Variants in HOXA10 observed in about 807,000 individuals in gnomAD.
HOXA10 encodes the protein homeobox A10.
A neutral mutation model predicts 29.7 loss-of-function variants in HOXA10; 12 were observed. The observed-to-expected ratio is 0.40, with a 90% confidence interval of 0.26 to 0.65. HOXA10 has a LOEUF of 0.65. Among genes scored for constraint, HOXA10 ranks in the 30% least tolerant of loss-of-function variants. HOXA10 has a pLI of 0.37. For missense variants in HOXA10, 656 were observed against 585.9 expected (o/e 1.12, Z -1.24); for synonymous variants, 327 against 280.7 (o/e 1.16, Z -1.65).
In HOXA10 at chr7:27,172,007, G is replaced by A; in HGVS notation, c.1125C>T (p.Leu375=). The A allele has an allele frequency of 3.1e-6, 5 of 1,614,094 alleles. No individual in the cohort carries two copies. The highest frequency in any genetic ancestry group is 4.2e-6 in the Non-Finnish European group (5 of 1,179,966). ...ACCAGATTTTCACTTGTCTGTCCGT[G>A]AGGTGGACGCTGCGGCTAATCTCTA... The part of the protein sequence containing the change: ...RRLEISRSVH[L]TDRQVKIWFQ... Residue 375 remains leucine, a synonymous_variant, in exon 2 of 2, where the codon CTC becomes CTT. Coordinates refer to ENST00000283921, the MANE Select transcript of HOXA10 (RefSeq NM_018951.4).
At chr7:27,179,693 C>A (rs532228035) in exon 1 of HOXA10, 2 of 775,928 alleles carry the variant, frequency 2.6e-6, no homozygotes, top group South Asian at 2.7e-5. Context: ...GGCTTCTCCG[C>A]GCGGCGACGC....
chr7:27,172,536 C>T (rs926984714), intron 1 of HOXA10: 2 of 325,980 alleles, frequency 6.1e-6, no homozygotes, highest in Admixed American at 4.8e-5. Flanking sequence ...TTCCTGTAGC[C>T]CCCAGGCTAG....
In HOXA10 at chr7:27,173,942, G is replaced by T; in HGVS notation, c.365C>A (p.Pro122His). Residue 122 changes from proline (P) to histidine (H), a missense_variant, in exon 1 of 2, where the codon CCC (proline) becomes CAC (histidine). Around this residue, in one of 2 missense-constraint regions of HOXA10, gnomAD observed 594 missense variants for 491.9 expected, o/e 1.21. Transcript: ENST00000283921. ...PSPIDLWLDA[P>H]RSCRMEPPDG... ...AGGCGGCTCCATCCGGCAAGACCGG[G>T]GCGCGTCTAGCCACAGGTCTATGGG... 3 of 1,525,178 alleles carry T rather than the reference G, an allele frequency of 2.0e-6. No homozygotes were observed. The highest frequency in any genetic ancestry group is 2.6e-6 in the Non-Finnish European group (3 of 1,138,858). The allele number at this position is 1,525,178 out of a possible 1,614,324, so 94.5% of individuals were successfully genotyped here.
At chr7:27,174,966 C>G (rs1467176992), upstream of HOXA10, 2 of 152,830 alleles carry the variant, frequency 1.3e-5, no homozygotes, top group African/African-American at 4.8e-5. Context: ...TGTTCCCTAG[C>G]CCCTAACCCC....
In HOXA10 at chr7:27,172,176, G is replaced by A. The variant is rs199970920; in HGVS notation, c.959-3C>T. 28 of 1,613,576 alleles carry A rather than the reference G, an allele frequency of 1.7e-5. No homozygotes were observed. The highest frequency in any genetic ancestry group is 3.3e-5 in the South Asian group (3 of 91,060). On this transcript the variant is annotated splice_region_variant and splice_polypyrimidine_tract_variant and intron_variant, in intron 1 of 1. Coordinates refer to ENST00000283921, the MANE Select transcript of HOXA10 (RefSeq NM_018951.4). ...TGCGTTTTCACCTTTGGAATTGCCTGGCATGTAAGAGAATAAAGAGGGGAT... is the reference window on the plus strand; with the variant it reads ...TGCGTTTTCACCTTTGGAATTGCCTAGCATGTAAGAGAATAAAGAGGGGAT...
chr7:27,174,003 C>T lies in HOXA10; in HGVS notation c.304G>A (p.Gly102Ser), dbSNP rs746323844. Residue 102 changes from glycine to serine, a missense_variant, in exon 1 of 2, where the codon GGT becomes AGT. Transcript: ENST00000283921. ...ASPGSGGGGGGLGPGAHGYGP... is the reference protein window; with the variant it reads ...ASPGSGGGGGSLGPGAHGYGP... ...TAGCCGTGCGCCCCGGGACCTAGAC[C>T]CCCGCCACCGCCACCGCTGCCCGGC... The T allele has an allele frequency of 3.9e-6, 6 of 1,528,712 alleles. No individual in the cohort carries two copies. The South Asian group carries it at 6.0e-5, about 15-fold the overall frequency. 94.7% of individuals were successfully genotyped at this position (1,528,712 alleles called of 1,614,324 possible).
Position 27,174,013 on chromosome 7 carries a change from G to T in HOXA10, c.294C>A (p.Gly98=), listed in dbSNP as rs1053845544. Residue 98 remains glycine, a synonymous_variant, in exon 1 of 2, where the codon GGC becomes GGA. Coordinates refer to ENST00000283921, the MANE Select transcript of HOXA10 (RefSeq NM_018951.4). ...RNEAASPGSG[G]GGGGLGPGAH... ...CCCCGGGACCTAGACCCCCGCCACC[G>T]CCACCGCTGCCCGGCGACGCTGCCT... is the stretch of plus-strand genomic sequence containing the variant. The T allele has an allele frequency of 6.5e-7, 1 of 1,528,192 alleles. No homozygotes were observed. 94.7% of individuals were successfully genotyped at this position (1,528,192 alleles called of 1,614,324 possible). A position where few individuals can be genotyped will look rare whatever the true frequency, so the allele number is the denominator to read the frequency against.
chr7:27,175,105 A>G (rs1783630157), upstream of HOXA10: 1 of 152,154 alleles, frequency 6.6e-6, no homozygotes. Flanking sequence ...GGGGGTGGGA[A>G]GCGGCTGCCA....
chr7:27,173,510 T>C lies in HOXA10; in HGVS notation c.797A>G (p.Lys266Arg). 4 of 1,480,236 alleles carry C rather than the reference T, an allele frequency of 2.7e-6. No individual in the cohort carries two copies. Among genetic ancestry groups the C allele is most frequent in the Non-Finnish European group, 3.6e-6 (4 of 1,123,914 alleles). The allele number at this position is 1,480,236 out of a possible 1,614,324, so 91.7% of individuals were successfully genotyped here. A position where few individuals can be genotyped will look rare whatever the true frequency, so the allele number is the denominator to read the frequency against. Residue 266 changes from lysine (K) to arginine (R), a missense_variant, in exon 1 of 2, where the codon AAG becomes AGG. By Grantham distance (26) the Lys-to-Arg change is conservative. Around this residue, in one of 2 missense-constraint regions of HOXA10, gnomAD observed 594 missense variants for 491.9 expected, o/e 1.21. Transcript: ENST00000283921. ...LASGSADAAR[K>R]ERALDSPPPP... is the part of the protein sequence containing the mutation. ...CGGCGGCGAATCGAGGGCTCGCTCC[T>C]TCCGGGCCGCATCGGCCGAGCCGGA...
At chr7:27,178,111 T>C (rs1055881620), upstream of HOXA10, among the ~76,000 whole-genome samples, 1 of 152,214 alleles carries the variant, frequency 6.6e-6, no homozygotes, top group Non-Finnish European at 1.5e-5. Flanking sequence ...AGATCGAAAC[T>C]GCTAGTAAAC....
chr7:27,179,837 G>A (rs1378017327), exon 1 of HOXA10: 1 of 696,808 alleles, frequency 1.4e-6, no homozygotes, highest in South Asian at 1.5e-5. Flanking sequence ...AGTATCAGAA[G>A]CGAACAAAGG....
Position 27,174,104 on chromosome 7 carries a change from G to A in HOXA10, c.203C>T (p.Ala68Val). Residue 68 changes from alanine to valine, a missense_variant, in exon 1 of 2, where the codon GCC (alanine) becomes GTC (valine). By Grantham distance (64) the Ala-to-Val change is moderately conservative (BLOSUM62 0). Coordinates refer to ENST00000283921, the MANE Select transcript of HOXA10 (RefSeq NM_018951.4). ...YAHGGVYLPP[A>V]ADLPYGLQSC... ...CTGCAGCCCGTAGGGCAGGTCGGCG[G>A]CGGGCGGCAGGTAGACCCCGCCGTG... 1 of 1,573,120 alleles carries A rather than the reference G, an allele frequency of 6.4e-7. No homozygotes were observed. The highest frequency in any genetic ancestry group is 8.6e-7 in the Non-Finnish European group (1 of 1,166,978).
chr7:27,171,719 A>G lies in HOXA10; in HGVS notation c.*180T>C, dbSNP rs764182627. The G allele has an allele frequency of 1.3e-5, 10 of 759,774 alleles. No individual in the cohort carries two copies. The highest frequency in any genetic ancestry group is 2.1e-5 in the Non-Finnish European group (9 of 418,920). 47.1% of individuals were successfully genotyped at this position (759,774 alleles called of 1,614,324 possible). On this transcript the variant is annotated 3_prime_UTR_variant, in exon 2 of 2. Coordinates refer to ENST00000283921, the MANE Select transcript of HOXA10 (RefSeq NM_018951.4). Reference sequence around the variant, plus strand: ...ACAAATAAACCAGCACCAAGCAAACACAAAGAAACAAAAAGTCAGAACAAA... The same window carrying G: ...ACAAATAAACCAGCACCAAGCAAACGCAAAGAAACAAAAAGTCAGAACAAA...
At position 27,173,828 on chromosome 7, in the gene HOXA10, G is replaced by C. The variant is rs1383757063; in HGVS notation, c.479C>G (p.Ala160Gly). ...PAPQATSCSF[A>G]QNIKEESSYC... ...GGAGCTCTCTTCTTTGATGTTCTGC[G>C]CGAAAGAGCACGAGGTGGCCTGCGG... is the stretch of plus-strand genomic sequence containing the variant. Residue 160 changes from alanine (A) to glycine (G), a missense_variant, in exon 1 of 2, where the codon GCG becomes GGG. Around this residue, in one of 2 missense-constraint regions of HOXA10, gnomAD observed 594 missense variants for 491.9 expected, o/e 1.21. Transcript: ENST00000283921. 6.2e-7 allele frequency: 1 copy of C among 1,611,066 alleles called. No homozygotes were observed. The highest frequency in any genetic ancestry group is 1.7e-5 in the Admixed American group (1 of 59,862).
In HOXA10 at chr7:27,173,781, C is replaced by A. The variant is rs776748136; in HGVS notation, c.526G>T (p.Asp176Tyr). The change falls in exon 1 of 2, where the codon GAC (aspartate) becomes TAC (tyrosine). Residue 176 changes from aspartate (D) to tyrosine (Y), a missense_variant. This residue lies in a region of HOXA10 where 594 missense variants were observed against 491.9 expected (regional missense o/e 1.21). Transcript: ENST00000283921. ...ESSYCLYDSA[D>Y]KCPKVSATAA... ...GTGGCCGAGACTTTGGGGCATTTGT[C>A]CGCCGAGTCGTAGAGGCAGTAGGAG... The A allele has an allele frequency of 1.2e-6, 2 of 1,610,104 alleles. No homozygotes were observed. The highest frequency in any genetic ancestry group is 2.7e-5 in the African/African-American group (2 of 74,904).
chr7:27,171,003 C>G lies in HOXA10; in HGVS notation c.*896G>C, dbSNP rs1482176936. ...TGTTCAAGGCGATTTAAAAAAACAA[C>G]TTCACAAGATAGGGAGAATTGTGGT... is the stretch of plus-strand genomic sequence containing the variant. On this transcript the variant is annotated 3_prime_UTR_variant, in exon 2 of 2. Coordinates refer to ENST00000283921, the MANE Select transcript of HOXA10 (RefSeq NM_018951.4). The G allele has an allele frequency of 4.4e-6, 2 of 453,356 alleles. No homozygotes were observed. The highest frequency in any genetic ancestry group is 8.8e-6 in the Non-Finnish European group (2 of 226,620). 28.1% of individuals were successfully genotyped at this position (453,356 alleles called of 1,614,324 possible).
rs1195199156 is a variant in HOXA10, at chr7:27,170,711, G to T, written c.*1188C>A. ...TGATTTAAGATTAGAAGTAAATAGA[G>T]CTAGAACTAACATTTATAATAACGA... On this transcript the variant is annotated 3_prime_UTR_variant, in exon 2 of 2. Coordinates refer to ENST00000283921, the MANE Select transcript of HOXA10 (RefSeq NM_018951.4). 2.3e-6 allele frequency: 1 copy of T among 437,806 alleles called. No homozygotes were observed. The highest frequency in any genetic ancestry group is 2.1e-5 in the African/African-American group (1 of 48,736). 27.1% of individuals were successfully genotyped at this position (437,806 alleles called of 1,614,324 possible).
At chr7:27,177,739 C>T (rs533682283), upstream of HOXA10, among the ~76,000 whole-genome samples, 4 of 152,316 alleles carry the variant, frequency 2.6e-5, no homozygotes, top group East Asian at 1.9e-4. Context: ...TTTCCTCCCT[C>T]GTGCTCATTT....
At chr7:27,179,722 G>C (rs1783720841) in exon 1 of HOXA10, 1 of 758,392 alleles carries the variant, frequency 1.3e-6, no homozygotes, top group Non-Finnish European at 2.5e-6. Flanking sequence ...CCTAGCGAAT[G>C]CGCGTTGCTT....
Sources: gnomAD v4.1 joint callset for allele counts (sites outside exome capture counted in the v4.1 genomes callset) on GRCh38, gnomAD v4.1.1 for gene constraint, gnomAD v4.1.1 regional missense constraint, MANE v1.5 for transcripts, NCBI Gene and HGNC (gene_info 2026-07-23, HGNC 2026-07-21) for gene names.